The following STX18 variants were observed in gnomAD, a reference collection of about 807,000 sequenced individuals.
The protein encoded by STX18 is syntaxin-18.
In STX18, 40 loss-of-function variants were observed where a neutral mutation model predicts 50.1. The observed-to-expected ratio is 0.80, with a 90% CI of 0.62 to 1.04. The LOEUF (loss-of-function observed/expected upper bound fraction) is 1.04, where lower values mean the gene tolerates loss of function less well. Among genes scored for constraint, STX18 ranks in the 50% least tolerant of loss-of-function variants. The pLI is 0.00. For synonymous variants in STX18, 158 were observed against 151.8 expected, an observed-to-expected ratio of 1.04 and a Z score of -0.30; for missense variants, 410 against 415.8, an observed-to-expected ratio of 0.99 and a Z score of 0.12.
intron 1 of STX18, chr4:4,499,619 G>T (rs765140685): frequency 6.5e-6 from 5 of 765,074 alleles, no homozygotes; most frequent in African/African-American, 1.9e-5. Flanking sequence ...TTATTCAATA[G>T]CTAATCCAAC....
intron 5 of STX18, among the ~76,000 whole-genome samples, chr4:4,454,551 G>A (rs571992276): frequency 1.3e-5 from 2 of 152,186 alleles, no homozygotes; most frequent in Non-Finnish European, 2.9e-5. Flanking sequence ...GACAAATCAC[G>A]CATCATCAGA....
intron 1 of STX18, among the ~76,000 whole-genome samples, chr4:4,527,149 G>A (rs1293351447): frequency 6.6e-6 from 1 of 152,208 alleles, no homozygotes; most frequent in Admixed American, 6.5e-5. Flanking sequence ...CTTATTTCAA[G>A]AGGTAGAGCT....
At chr4:4,434,610 T>G (rs1034741807) in intron 7 of STX18, among the ~76,000 whole-genome samples, 160 bp downstream of exon 7, 1 of 152,190 alleles carries the variant, frequency 6.6e-6, no homozygotes, top group African/African-American at 2.4e-5. Context: ...CCGTAAGAAT[T>G]AGGAAATCAA....
intron 7 of STX18, among the ~76,000 whole-genome samples, chr4:4,428,480 A>C (rs1056734739): frequency 2.0e-5 from 3 of 152,004 alleles, no homozygotes; most frequent in Non-Finnish European, 4.4e-5. Flanking sequence ...TACATGAGTG[A>C]ATACATGTGA....
At chr4:4,537,322 G>A (rs1343746067) in intron 1 of STX18, among the ~76,000 whole-genome samples, 3 of 152,330 alleles carry the variant, frequency 2.0e-5, no homozygotes, top group Non-Finnish European at 2.9e-5. Context: ...TGTGAGGGAT[G>A]TTTTTGTTGC....
chr4:4,504,445 A>C (rs1384163052), intron 1 of STX18, among the ~76,000 whole-genome samples: 1 of 152,214 alleles, frequency 6.6e-6, no homozygotes, highest in African/African-American at 2.4e-5. Flanking sequence ...GGCACTCAGG[A>C]TACAGGAGTA....
chr4:4,441,903 G>A (rs1291615881), intron 5 of STX18, among the ~76,000 whole-genome samples: 1 of 152,166 alleles, frequency 6.6e-6, no homozygotes, highest in African/African-American at 2.4e-5. Context: ...GAGACTAAAT[G>A]CATATGGAAT....
intron 7 of STX18, among the ~76,000 whole-genome samples, chr4:4,432,923 C>T (rs555408185): frequency 2.6e-5 from 4 of 152,352 alleles, no homozygotes; most frequent in African/African-American, 9.6e-5. Flanking sequence ...GCCTGCACAA[C>T]TATGCTTACA....
chr4:4,487,081 AG>A (rs1159655958), intron 1 of STX18, among the ~76,000 whole-genome samples: 3 of 152,180 alleles, frequency 2.0e-5, no homozygotes, highest in African/African-American at 7.2e-5. Context: ...CATGGAGCTC[AG>A]GTTAAGTGCC....
rs56034157 is a variant in STX18, at chr4:4,505,623, T to TAAA, written c.169-33920_169-33918dup. Among the ~76,000 whole-genome samples, 8 of 135,078 alleles carry TAAA rather than the reference T, an allele frequency of 5.9e-5. No individual in the cohort carries two copies. In the East Asian group the frequency reaches 6.4e-4, roughly 11 times the overall value. 88.6% of individuals were successfully genotyped at this position (135,078 alleles called of 152,430 possible). ...GGCGAAACTCCATCTCTGCTAAAAA[T>TAAA]AAAAAAAAAAAAAAAATCAGCCAGG... On this transcript the variant is annotated intron_variant, in intron 1 of 10. Coordinates refer to ENST00000306200, the MANE Select transcript of STX18 (RefSeq NM_016930.4).
intron 1 of STX18, chr4:4,507,815 T>TA (rs879049430): frequency 0.059 from 12,979 of 218,590 alleles, 575 homozygotes; most frequent in African/African-American, 0.21. Flanking sequence ...ATATTCACAG[T>TA]AAAAAAAAAA....
intron 5 of STX18, among the ~76,000 whole-genome samples, chr4:4,445,428 A>G (rs1726342677): frequency 6.6e-6 from 1 of 152,134 alleles, no homozygotes; most frequent in South Asian, 2.1e-4. Flanking sequence ...CAAAAACAAA[A>G]AACAAAAAAA....
At chr4:4,432,415 A>G (rs1392968814) in intron 7 of STX18, among the ~76,000 whole-genome samples, 4 of 152,244 alleles carry the variant, frequency 2.6e-5, no homozygotes, top group African/African-American at 9.6e-5. Flanking sequence ...ACGGGCAGCT[A>G]TGCCCAATCT....
At chr4:4,496,634 A>G (rs567734723) in intron 1 of STX18, among the ~76,000 whole-genome samples, 5 of 152,316 alleles carry the variant, frequency 3.3e-5, no homozygotes, top group African/African-American at 1.2e-4. Context: ...TTTTATAATC[A>G]GGAGCTTCTG....
intron 1 of STX18, among the ~76,000 whole-genome samples, chr4:4,536,889 T>C (rs558463149): frequency 2.6e-5 from 4 of 152,344 alleles, no homozygotes; most frequent in Admixed American, 6.5e-5. Flanking sequence ...TTATTTAGAA[T>C]CAAAGTGTCC....
At chr4:4,495,649 C>T (rs1729136847) in intron 1 of STX18, among the ~76,000 whole-genome samples, 1 of 150,448 alleles carries the variant, frequency 6.6e-6, no homozygotes, top group Non-Finnish European at 1.5e-5. Flanking sequence ...GATCCTCCTG[C>T]CTTGGCTTGC....
chr4:4,454,731 T>G (rs1026897369), intron 5 of STX18, among the ~76,000 whole-genome samples: 15 of 152,188 alleles, frequency 9.9e-5, no homozygotes, highest in African/African-American at 3.1e-4. Context: ...AGAAATCTGC[T>G]CCAATTACCC....
chr4:4,482,469 G>C (rs1422734260), intron 1 of STX18, among the ~76,000 whole-genome samples: 1 of 152,178 alleles, frequency 6.6e-6, no homozygotes, highest in Non-Finnish European at 1.5e-5. Context: ...ATCCTTTCTA[G>C]ATTCCAAGTT....
intron 1 of STX18, among the ~76,000 whole-genome samples, chr4:4,532,390 C>T (rs7684544): frequency 6.6e-6 from 1 of 151,906 alleles, no homozygotes; most frequent in South Asian, 2.1e-4. Context: ...AAAATTATAT[C>T]ACCACTTTTA....
Sources: allele counts gnomAD v4.1 joint callset (sites outside exome capture counted in the v4.1 genomes callset), GRCh38; gene constraint gnomAD v4.1.1; transcripts MANE v1.5; gene names NCBI Gene and HGNC (gene_info 2026-07-23, HGNC 2026-07-21).